Variants in KCNIP4 observed in about 807,000 individuals in gnomAD.
The protein encoded by KCNIP4 is potassium voltage-gated channel interacting protein 4, also known as Kv channel-interacting protein 4.
In KCNIP4, 12 loss-of-function variants were observed where a neutral mutation model predicts 34.0. That is an observed-to-expected ratio of 0.35 (90% CI 0.23 to 0.57). The LOEUF (loss-of-function observed/expected upper bound fraction) is 0.57. Ranked by LOEUF, KCNIP4 falls within the 20% of genes least tolerant of loss-of-function variation. The pLI, the probability that KCNIP4 is intolerant of heterozygous loss-of-function variation, is 0.83. For synonymous variants in KCNIP4, 124 were observed against 102.2 expected, an observed-to-expected ratio of 1.21 and a Z score of -1.29; for missense variants, 238 against 311.7, an observed-to-expected ratio of 0.76 and a Z score of 1.78.
chr4:21,312,845 T>C (rs1713333330), intron 1 of KCNIP4, among the ~76,000 whole-genome samples: 1 of 152,202 alleles, frequency 6.6e-6, no homozygotes, highest in South Asian at 2.1e-4. Context: ...GATCTGTCCC[T>C]GGAGAATCCG....
At chr4:21,605,175 T>A (rs1175984634) in intron 1 of KCNIP4, among the ~76,000 whole-genome samples, 1 of 152,208 alleles carries the variant, frequency 6.6e-6, no homozygotes, top group Non-Finnish European at 1.5e-5. Flanking sequence ...GAACACTAGC[T>A]GTTCCAAGGG....
chr4:21,243,336 G>A (rs1004322985), intron 1 of KCNIP4, among the ~76,000 whole-genome samples: 3 of 152,104 alleles, frequency 2.0e-5, no homozygotes, highest in Non-Finnish European at 2.9e-5. Flanking sequence ...CAGGTAGATC[G>A]AGTTCTTTTT....
At chr4:20,776,782 T>C (rs975118485) in intron 3 of KCNIP4, among the ~76,000 whole-genome samples, 1 of 152,152 alleles carries the variant, frequency 6.6e-6, no homozygotes, top group Admixed American at 6.5e-5. Flanking sequence ...CAGTTCAGAA[T>C]CAACAATGAA....
At chr4:21,392,635 G>T (rs1722663608) in intron 1 of KCNIP4, among the ~76,000 whole-genome samples, 1 of 152,306 alleles carries the variant, frequency 6.6e-6, no homozygotes, top group African/African-American at 2.4e-5. Context: ...ATAACTGTTT[G>T]ATCTATGAAT....
chr4:21,230,477 A>T (rs116639331), intron 1 of KCNIP4, among the ~76,000 whole-genome samples: 5 of 152,170 alleles, frequency 3.3e-5, no homozygotes, highest in African/African-American at 1.2e-4. Flanking sequence ...TGCATTAGCT[A>T]TTTATCCTAA....
At chr4:21,053,915 T>C (rs1366458284) in intron 1 of KCNIP4, among the ~76,000 whole-genome samples, 1 of 152,222 alleles carries the variant, frequency 6.6e-6, no homozygotes, top group African/African-American at 2.4e-5. Flanking sequence ...TACTCAATAT[T>C]GTCAAGATGT....
intron 1 of KCNIP4, among the ~76,000 whole-genome samples, chr4:21,377,884 T>G (rs996869599): frequency 6.6e-6 from 1 of 152,314 alleles, no homozygotes; most frequent in African/African-American, 2.4e-5. Flanking sequence ...GACATTCGCT[T>G]TGGTTGCTGA....
intron 1 of KCNIP4, among the ~76,000 whole-genome samples, chr4:21,703,648 T>C (rs559144403): frequency 5.3e-5 from 8 of 152,184 alleles, no homozygotes; most frequent in Admixed American, 3.3e-4. Context: ...TCATTTACAA[T>C]GACTCAAAAA....
At chr4:20,981,774 T>TA (rs1736090801) in intron 1 of KCNIP4, among the ~76,000 whole-genome samples, 1 of 152,244 alleles carries the variant, frequency 6.6e-6, no homozygotes, top group African/African-American at 2.4e-5. Context: ...TCATGGATTC[T>TA]ATATTGAATT....
rs571205023 is a variant in KCNIP4, at chr4:21,473,523, T to C, written c.61+475048A>G. On this transcript the variant is annotated intron_variant, in intron 1 of 8. Coordinates refer to ENST00000382152, the MANE Select transcript of KCNIP4 (RefSeq NM_025221.6). The stretch of plus-strand genomic sequence containing the variant: ...ATCTGAAGACAGAATCAGATCTCCA[T>C]GCTGTCCTTTGGGAGTTCAGATTTT... Among the ~76,000 whole-genome samples, 15 of 152,310 alleles carry C rather than the reference T, an allele frequency of 9.8e-5. No individual in the cohort carries two copies. In the South Asian group the frequency reaches 3.1e-3, roughly 32 times the overall value.
intron 1 of KCNIP4, among the ~76,000 whole-genome samples, chr4:21,490,788 A>G (rs930679100): frequency 6.6e-6 from 1 of 152,226 alleles, no homozygotes; most frequent in Non-Finnish European, 1.5e-5. Flanking sequence ...GGCATTTATC[A>G]TGAGTTTCCC....
At chr4:20,931,575 T>C (rs1206045758) in intron 1 of KCNIP4, among the ~76,000 whole-genome samples, 1 of 152,138 alleles carries the variant, frequency 6.6e-6, no homozygotes. Context: ...TATTTGTGCA[T>C]GTAAACTTAT....
chr4:21,706,340 GT>G (rs1713267992), intron 1 of KCNIP4, among the ~76,000 whole-genome samples: 1 of 152,100 alleles, frequency 6.6e-6, no homozygotes, highest in African/African-American at 2.4e-5. Flanking sequence ...TAACAGTAAA[GT>G]TACAGAAAAA....
chr4:20,911,811 G>A (rs73242560), intron 1 of KCNIP4, among the ~76,000 whole-genome samples: 7,196 of 152,204 alleles, frequency 0.047, 195 homozygotes, highest in Middle Eastern at 0.1. Flanking sequence ...TTACAAGTCC[G>A]TCAAACAGAT....
At chr4:21,514,663 C>T (rs896786494) in intron 1 of KCNIP4, among the ~76,000 whole-genome samples, 10 of 151,712 alleles carry the variant, frequency 6.6e-5, no homozygotes, top group Admixed American at 2.6e-4. Flanking sequence ...AAAATAAAAA[C>T]GGAAAAATTC....
chr4:21,044,338 G>A (rs951415516), intron 1 of KCNIP4, among the ~76,000 whole-genome samples: 11 of 151,694 alleles, frequency 7.3e-5, no homozygotes, highest in African/African-American at 1.5e-4. Flanking sequence ...TTGAGATGGA[G>A]TCTCACTCTG....
chr4:21,101,657 C>T (rs942601511), intron 1 of KCNIP4, among the ~76,000 whole-genome samples: 2 of 151,994 alleles, frequency 1.3e-5, no homozygotes, highest in Non-Finnish European at 2.9e-5. Flanking sequence ...TGAAAATGTT[C>T]TATTATTAGT....
At chr4:21,820,177 C>CA (rs1344912651) in intron 1 of KCNIP4, among the ~76,000 whole-genome samples, 3 of 150,374 alleles carry the variant, frequency 2.0e-5, no homozygotes, top group African/African-American at 7.3e-5. Context: ...TACTCTTGTG[C>CA]AAATCACATT....
At chr4:21,666,086 A>G (rs1577794940) in intron 1 of KCNIP4, among the ~76,000 whole-genome samples, 1 of 152,208 alleles carries the variant, frequency 6.6e-6, no homozygotes, top group African/African-American at 2.4e-5. Context: ...CTATAGAAGA[A>G]TTTTAGTTTC....
Sources: gnomAD v4.1 joint callset for allele counts (sites outside exome capture counted in the v4.1 genomes callset) on GRCh38, gnomAD v4.1.1 for gene constraint, MANE v1.5 for transcripts, NCBI Gene and HGNC (gene_info 2026-07-23, HGNC 2026-07-21) for gene names.